The following EDA variants were observed in gnomAD, a reference collection of about 807,000 sequenced individuals.
EDA encodes the protein ectodysplasin A.
EDA carries 2 observed loss-of-function variants against 23.6 expected under a neutral mutation model. The observed-to-expected ratio is 0.08, with a 90% CI of 0.03 to 0.27. The LOEUF (loss-of-function observed/expected upper bound fraction) is 0.27. Ranked by LOEUF, EDA falls within the 10% of genes least tolerant of loss-of-function variation. The pLI, the probability that EDA is intolerant of heterozygous loss-of-function variation, is 1.00. For missense variants in EDA, 229 were observed against 324.2 expected (o/e 0.71, Z 2.26); for synonymous variants, 131 against 132.0 (o/e 0.99, Z 0.05).
intron 1 of EDA, among the ~76,000 whole-genome samples, chrX:69,907,537 A>G (rs917988514): frequency 8.0e-5 from 9 of 111,876 alleles, no homozygotes; most frequent in African/African-American, 2.6e-4. Flanking sequence ...AGAACCTAGA[A>G]CCAAGTACAC....
intron 1 of EDA, among the ~76,000 whole-genome samples, chrX:69,774,571 A>AT (rs2014726591): frequency 2.2e-5 from 2 of 91,076 alleles, no homozygotes; most frequent in South Asian, 4.7e-4. Context: ...TTGTTTTGTT[A>AT]TTTTAAAAAA....
chrX:69,991,286 T>G (rs2019585811), intron 2 of EDA, among the ~76,000 whole-genome samples: 1 of 111,718 alleles, frequency 9.0e-6, no homozygotes, highest in Non-Finnish European at 1.9e-5. Flanking sequence ...TTGACCCTAC[T>G]TACATCTTCT....
At chrX:69,980,474 A>C (rs780857594) in intron 2 of EDA, among the ~76,000 whole-genome samples, 30 of 112,356 alleles carry the variant, frequency 2.7e-4, no homozygotes, top group Non-Finnish European at 4.5e-4. Context: ...ATACTGTAGC[A>C]AAAGAATTCG....
chrX:69,749,675 A>G (rs2013747980), intron 1 of EDA: 2 of 111,671 alleles, frequency 1.8e-5, no homozygotes, highest in Admixed American at 1.9e-4. Context: ...GGTGCTTGTT[A>G]TGACTTCATT....
At chrX:70,012,363 C>T (rs1320439592) in intron 2 of EDA, among the ~76,000 whole-genome samples, 1 of 112,055 alleles carries the variant, frequency 8.9e-6, no homozygotes, top group Non-Finnish European at 1.9e-5. Context: ...AAGATGCTCG[C>T]GTCTAGTATG....
intron 1 of EDA, among the ~76,000 whole-genome samples, chrX:69,717,927 TATC>T (rs1441560800): frequency 4.5e-5 from 5 of 111,551 alleles, no homozygotes; most frequent in Non-Finnish European, 9.4e-5. Context: ...GATAGTGAGT[TATC>T]ATGAGATATG....
At chrX:69,958,924 T>C (rs2019060443) in intron 2 of EDA, among the ~76,000 whole-genome samples, 1 of 111,194 alleles carries the variant, frequency 9.0e-6, no homozygotes, top group South Asian at 3.9e-4. Flanking sequence ...GTAAGAGCAA[T>C]ATCACCTTCT....
At chrX:69,997,516 A>C (rs187956308) in intron 2 of EDA, among the ~76,000 whole-genome samples, 270 of 112,663 alleles carry the variant, frequency 2.4e-3, no homozygotes, top group African/African-American at 8.0e-3. Context: ...TGACAATGGG[A>C]TAGAAAAGAA....
intron 1 of EDA, among the ~76,000 whole-genome samples, chrX:69,658,946 G>A (rs962768065): frequency 9.0e-6 from 1 of 111,184 alleles, no homozygotes; most frequent in Non-Finnish European, 1.9e-5. Flanking sequence ...TTAAGTCTTC[G>A]ACTACAAAGA....
At chrX:69,798,309 A>T (rs1456976181) in intron 1 of EDA, among the ~76,000 whole-genome samples, 1 of 111,917 alleles carries the variant, frequency 8.9e-6, no homozygotes. Context: ...ACTCTAGACC[A>T]AATGGACCTA....
chrX:69,647,229 A>T (rs1225816449), intron 1 of EDA, among the ~76,000 whole-genome samples: 1 of 111,032 alleles, frequency 9.0e-6, no homozygotes, highest in Non-Finnish European at 1.9e-5. Flanking sequence ...CTGAATTTGA[A>T]TGTTGGCCTG....
chrX:69,917,247 T>A (rs1384631584), intron 1 of EDA, among the ~76,000 whole-genome samples: 1 of 111,739 alleles, frequency 8.9e-6, no homozygotes, highest in East Asian at 2.8e-4. Context: ...CTCATTTTTG[T>A]TTGTAAGCAA....
intron 1 of EDA, among the ~76,000 whole-genome samples, chrX:69,654,697 A>G (rs1933238741): frequency 9.2e-6 from 1 of 108,169 alleles, no homozygotes; most frequent in South Asian, 4.3e-4. Context: ...CATCGCAAGG[A>G]CAAAAAACCA....
intron 1 of EDA, among the ~76,000 whole-genome samples, chrX:69,888,502 C>T (rs188633292): frequency 1.0e-3 from 107 of 104,723 alleles, no homozygotes; most frequent in Admixed American, 2.7e-3. Flanking sequence ...ACAGAGTGAC[C>T]GAATGGATTT....
intron 1 of EDA, among the ~76,000 whole-genome samples, chrX:69,748,324 C>T (rs918871270): frequency 9.0e-6 from 1 of 111,026 alleles, no homozygotes; most frequent in African/African-American, 3.3e-5. Flanking sequence ...AAACCACACT[C>T]TTCTATTTAT....
At chrX:69,894,409 G>A (rs1422171285) in intron 1 of EDA, among the ~76,000 whole-genome samples, 12 of 111,527 alleles carry the variant, frequency 1.1e-4, no homozygotes, top group South Asian at 3.8e-4. Context: ...GGTTCCAAAC[G>A]AATATTTAAA....
At chrX:69,998,472 A>T (rs2147473674) in intron 2 of EDA, among the ~76,000 whole-genome samples, 1 of 112,194 alleles carries the variant, frequency 8.9e-6, no homozygotes, top group East Asian at 2.8e-4. Flanking sequence ...GGCAGAAGGG[A>T]CTTGCCTTGT....
chrX:69,987,582 CA>C (rs759944745), intron 2 of EDA, among the ~76,000 whole-genome samples: 14 of 104,016 alleles, frequency 1.3e-4, no homozygotes, highest in South Asian at 4.3e-4. Context: ...TAAGCACAGA[CA>C]AAAAAACACT....
intron 1 of EDA, among the ~76,000 whole-genome samples, chrX:69,732,851 T>A (rs190191067): frequency 8.9e-6 from 1 of 112,595 alleles, no homozygotes; most frequent in Admixed American, 9.4e-5. Context: ...TAATGGCCAG[T>A]GATAATGAGC....
Sources: allele counts gnomAD v4.1 joint callset (sites outside exome capture counted in the v4.1 genomes callset), GRCh38; gene constraint gnomAD v4.1.1; transcripts MANE v1.5; gene names NCBI Gene and HGNC (gene_info 2026-07-23, HGNC 2026-07-21).